Variants in CPNE4 observed in about 807,000 individuals in gnomAD.
The protein encoded by CPNE4 is copine-4.
In CPNE4, 25 loss-of-function variants were observed where a neutral mutation model predicts 67.9. The ratio of observed to expected loss-of-function variants is 0.37; its 90% CI spans 0.27 to 0.51. The LOEUF (loss-of-function observed/expected upper bound fraction) is 0.51. Ranked by LOEUF, CPNE4 falls within the 20% of genes least tolerant of loss-of-function variation. CPNE4 has a pLI of 0.93. For missense variants in CPNE4, 464 were observed against 690.8 expected (o/e 0.67, Z 3.68); for synonymous variants, 242 against 244.9 (o/e 0.99, Z 0.11).
At chr3:131,900,942 G>A (rs1325816486) in intron 2 of CPNE4, among the ~76,000 whole-genome samples, 1 of 152,036 alleles carries the variant, frequency 6.6e-6, no homozygotes, top group Admixed American at 6.6e-5. Flanking sequence ...TTCCAAGAAA[G>A]ATCTCAATGA....
intron 1 of CPNE4, among the ~76,000 whole-genome samples, chr3:131,971,033 A>G (rs2072485685): frequency 6.6e-6 from 1 of 152,236 alleles, no homozygotes. Context: ...CTTCTGTTCC[A>G]TATGGCATAG....
intron 2 of CPNE4, among the ~76,000 whole-genome samples, chr3:131,895,946 C>A (rs1265457632): frequency 6.6e-6 from 1 of 151,936 alleles, no homozygotes; most frequent in Non-Finnish European, 1.5e-5. Context: ...TAATCCCCGG[C>A]CAGGGGATCA....
At chr3:131,768,310 A>T (rs539206283) in intron 2 of CPNE4, among the ~76,000 whole-genome samples, 2 of 152,072 alleles carry the variant, frequency 1.3e-5, no homozygotes, top group Non-Finnish European at 1.5e-5. Flanking sequence ...AAAACAGACC[A>T]CTCGACAAGC....
intron 8 of CPNE4, among the ~76,000 whole-genome samples, chr3:131,583,821 C>T (rs1266272404): frequency 6.6e-6 from 1 of 152,120 alleles, no homozygotes; most frequent in African/African-American, 2.4e-5. Flanking sequence ...TAACTCTCCC[C>T]ACAGCCCACT....
intron 1 of CPNE4, among the ~76,000 whole-genome samples, chr3:132,020,808 C>G (rs1473217185): frequency 6.6e-6 from 1 of 152,146 alleles, no homozygotes; most frequent in Admixed American, 6.5e-5. Flanking sequence ...AACCCTAGCC[C>G]CGCACAGCTG....
intron 2 of CPNE4, among the ~76,000 whole-genome samples, chr3:131,727,533 T>C (rs922549892): frequency 2.0e-5 from 3 of 152,206 alleles, no homozygotes; most frequent in Non-Finnish European, 4.4e-5. Context: ...CTAACACTTT[T>C]GGAAGGCCTG....
chr3:131,940,961 G>A (rs1343166618), intron 1 of CPNE4, among the ~76,000 whole-genome samples: 2 of 152,032 alleles, frequency 1.3e-5, no homozygotes, highest in South Asian at 2.1e-4. Flanking sequence ...ATGCTGTCAT[G>A]GACTCCGAGG....
At chr3:131,594,619 A>T (rs945472813) in intron 7 of CPNE4, among the ~76,000 whole-genome samples, 5 of 152,196 alleles carry the variant, frequency 3.3e-5, no homozygotes, top group African/African-American at 1.2e-4. Context: ...ATAAGGATAA[A>T]GTCTTGACAT....
At chr3:132,005,118 C>A (rs1032681020) in intron 1 of CPNE4, among the ~76,000 whole-genome samples, 4 of 151,606 alleles carry the variant, frequency 2.6e-5, no homozygotes, top group African/African-American at 9.7e-5. Context: ...TCTGTGGTGA[C>A]TATGAAGAAA....
At chr3:131,932,520 C>G (rs1460279073) in intron 1 of CPNE4, among the ~76,000 whole-genome samples, 1 of 151,872 alleles carries the variant, frequency 6.6e-6, no homozygotes, top group Non-Finnish European at 1.5e-5. Context: ...TGGATAAAGG[C>G]CATGGAGAAA....
intron 1 of CPNE4, among the ~76,000 whole-genome samples, chr3:131,948,201 A>G (rs1039871473): frequency 6.6e-6 from 1 of 152,168 alleles, no homozygotes; most frequent in African/African-American, 2.4e-5. Flanking sequence ...TAATCCCCAT[A>G]GTCCCCACAT....
At chr3:131,799,202 A>T (rs565846542) in intron 2 of CPNE4, among the ~76,000 whole-genome samples, 1 of 152,292 alleles carries the variant, frequency 6.6e-6, no homozygotes. Flanking sequence ...GGAAAGACAC[A>T]ATTAGCTGGG....
chr3:131,762,668 A>C (rs1237001289), intron 2 of CPNE4, among the ~76,000 whole-genome samples: 1 of 152,116 alleles, frequency 6.6e-6, no homozygotes, highest in Admixed American at 6.6e-5. Flanking sequence ...ATATTAAGTA[A>C]GAATTCTATA....
intron 2 of CPNE4, among the ~76,000 whole-genome samples, chr3:131,732,802 G>T (rs2082157753): frequency 6.6e-6 from 1 of 152,186 alleles, no homozygotes; most frequent in Non-Finnish European, 1.5e-5. Flanking sequence ...ACCTGGAAGA[G>T]CTTCTAAATC....
At chr3:131,792,586 CAT>C (rs1312519325) in intron 2 of CPNE4, among the ~76,000 whole-genome samples, 2 of 132,360 alleles carry the variant, frequency 1.5e-5, no homozygotes. Context: ...AAATCTCATA[CAT>C]ATATATATGT....
At chr3:131,737,965 G>A (rs1033500409) in intron 2 of CPNE4, among the ~76,000 whole-genome samples, 3 of 152,164 alleles carry the variant, frequency 2.0e-5, no homozygotes, top group African/African-American at 7.2e-5. Context: ...ATTTACTCAA[G>A]GAAGATTGAA....
rs80328534 is a variant in CPNE4 at position 131,551,253 on chromosome 3, C to T, written c.1169-1173G>A. On this transcript the variant is annotated intron_variant, in intron 13 of 15. Transcript: ENST00000429747. ...CATTGGCAATCCTGCACCCACTTGG[C>T]CCTGCCCCAAAGCCTATCATTCTAA... 2.4e-4 allele frequency among the ~76,000 whole-genome samples: 36 copies of T among 152,204 alleles called. No homozygotes were observed. In the East Asian group the frequency reaches 6.8e-3, roughly 29 times the overall value.
intron 1 of CPNE4, among the ~76,000 whole-genome samples, chr3:131,986,301 G>A (rs2073039636): frequency 6.6e-6 from 1 of 152,144 alleles, no homozygotes; most frequent in South Asian, 2.1e-4. Context: ...CCAAGTTCAA[G>A]CTACCAACAT....
intron 5 of CPNE4, among the ~76,000 whole-genome samples, chr3:131,687,689 A>C (rs1032366981): frequency 6.6e-6 from 1 of 152,218 alleles, no homozygotes; most frequent in Non-Finnish European, 1.5e-5. Context: ...GCTCAGCAAA[A>C]TATTTGTAGG....
Sources: allele counts gnomAD v4.1 joint callset (sites outside exome capture counted in the v4.1 genomes callset), GRCh38; gene constraint gnomAD v4.1.1; transcripts MANE v1.5; gene names NCBI Gene and HGNC (gene_info 2026-07-23, HGNC 2026-07-21).